Variants in CCDC178 observed in about 807,000 individuals in gnomAD.
The protein encoded by CCDC178 is coiled-coil domain-containing protein 178.
A neutral mutation model predicts 117.4 loss-of-function variants in CCDC178; 126 were observed. The observed-to-expected ratio is 1.07, with a 90% CI of 0.93 to 1.24. The LOEUF (loss-of-function observed/expected upper bound fraction) is 1.24, where lower values mean the gene tolerates loss of function less well. Ranked by LOEUF, CCDC178 falls within the 50% of genes most tolerant of loss-of-function variation. CCDC178 has a pLI of 0.00. For missense variants in CCDC178, 1,030 were observed against 986.9 expected (o/e 1.04, Z -0.59); for synonymous variants, 283 against 313.4 (o/e 0.90, Z 1.02).
chr18:33,386,430 A>G (rs532295964), intron 5 of CCDC178, among the ~76,000 whole-genome samples: 1 of 152,036 alleles, frequency 6.6e-6, no homozygotes, highest in Non-Finnish European at 1.5e-5. Context: ...AACAACAAAA[A>G]CTTCAGGCCA....
chr18:33,370,018 C>T (rs1160770361), intron 6 of CCDC178, 32 bp downstream of exon 6: 2 of 1,509,056 alleles, frequency 1.3e-6, no homozygotes, highest in Non-Finnish European at 1.8e-6. Context: ...TAAAGCTTAC[C>T]AAAATATCAG....
intron 20 of CCDC178, among the ~76,000 whole-genome samples, chr18:33,094,540 G>A (rs1445899876): frequency 6.6e-6 from 1 of 151,590 alleles, no homozygotes; most frequent in African/African-American, 2.4e-5. Flanking sequence ...CTACTTCTCA[G>A]GTGCTTTTCT....
chr18:32,974,657 G>GC lies in CCDC178; in HGVS notation c.2412dup (p.His805AlafsTer74), dbSNP rs745649516. The GC allele has an allele frequency of 1.2e-6, 2 of 1,613,264 alleles. No individual in the cohort carries two copies. The highest frequency in any genetic ancestry group is 1.7e-6 in the Non-Finnish European group (2 of 1,179,782). ...TTGAAGTGCTCCTGCCACAGTGTGT[G>GC]CATCCTTCTCTGCAGCTGACAGAGC... is the stretch of plus-strand genomic sequence containing the variant. On this transcript the variant is annotated frameshift_variant, in exon 22 of 23. Transcript: ENST00000383096. LOFTEE classifies it high-confidence loss of function.
intron 21 of CCDC178, among the ~76,000 whole-genome samples, chr18:33,004,447 A>G (rs187876670): frequency 1.1e-4 from 16 of 152,234 alleles, no homozygotes; most frequent in African/African-American, 2.9e-4. Flanking sequence ...GAAGAATGAA[A>G]CAAGACCCTT....
At chr18:32,950,640 G>C (rs188102108) in intron 22 of CCDC178, among the ~76,000 whole-genome samples, 11 of 152,238 alleles carry the variant, frequency 7.2e-5, no homozygotes, top group African/African-American at 2.6e-4. Context: ...CTGGTGATAT[G>C]GCTGTGTGGG....
At chr18:33,333,069 GA>G (rs5823891) in intron 10 of CCDC178, 104 bp downstream of exon 10, 18,423 of 512,626 alleles carry the variant, frequency 0.036, 45 homozygotes, top group Non-Finnish European at 0.039. Context: ...TCAATTTTAA[GA>G]AAAAAAAAAA....
intron 5 of CCDC178, among the ~76,000 whole-genome samples, chr18:33,373,220 AC>A (rs1480851662): frequency 6.6e-6 from 1 of 152,166 alleles, no homozygotes; most frequent in Non-Finnish European, 1.5e-5. Flanking sequence ...GACACTTATC[AC>A]TAAATATCTA....
intron 22 of CCDC178, among the ~76,000 whole-genome samples, chr18:32,952,820 CTGGAGTG>C (rs2054517641): frequency 2.7e-5 from 4 of 146,268 alleles, no homozygotes; most frequent in African/African-American, 1.0e-4. Context: ...GTTGCCCAGG[CTGGAGTG>C]CAGTGGCATG....
intron 2 of CCDC178, among the ~76,000 whole-genome samples, chr18:33,428,395 A>G (rs1004919360): frequency 6.6e-6 from 1 of 152,246 alleles, no homozygotes; most frequent in African/African-American, 2.4e-5. Flanking sequence ...AAGATCCTAA[A>G]GCACTGAGAG....
intron 21 of CCDC178, among the ~76,000 whole-genome samples, chr18:33,073,407 A>AT (rs1398493910): frequency 6.6e-6 from 1 of 152,106 alleles, no homozygotes; most frequent in Non-Finnish European, 1.5e-5. Flanking sequence ...ATAATACTCC[A>AT]TTATATACAA....
At chr18:33,087,498 G>A (rs888647439) in intron 21 of CCDC178, among the ~76,000 whole-genome samples, 6 of 151,520 alleles carry the variant, frequency 4.0e-5, no homozygotes, top group Non-Finnish European at 8.8e-5. Context: ...GTGTGATAAT[G>A]CCTTTAGAAC....
intron 22 of CCDC178, among the ~76,000 whole-genome samples, chr18:32,955,693 A>G (rs2054579843): frequency 6.6e-6 from 1 of 152,130 alleles, no homozygotes; most frequent in Non-Finnish European, 1.5e-5. Flanking sequence ...ATTTTTAGAA[A>G]TAACTTGTCT....
At chr18:33,226,742 T>C (rs1291124670) in intron 16 of CCDC178, 51 bp downstream of exon 16, 1 of 1,308,734 alleles carries the variant, frequency 7.6e-7, no homozygotes, top group East Asian at 2.4e-5. Flanking sequence ...AAATGCTAAG[T>C]AAAATGCAAA....
intron 14 of CCDC178, among the ~76,000 whole-genome samples, chr18:33,250,304 G>C (rs534457916): frequency 6.6e-6 from 1 of 151,544 alleles, no homozygotes; most frequent in South Asian, 2.1e-4. Context: ...ATGCTCAGGA[G>C]GACAGTAGAA....
At chr18:33,282,706 G>A (rs535638133) in intron 12 of CCDC178, among the ~76,000 whole-genome samples, 19 of 152,250 alleles carry the variant, frequency 1.2e-4, no homozygotes, top group Admixed American at 8.5e-4. Flanking sequence ...ATGTTTGCAC[G>A]GGAGAGTTTT....
Position 33,412,084 on chromosome 18 carries a change from G to T in CCDC178, c.5C>A (p.Thr2Asn), listed in dbSNP as rs767773167. Residue 2 changes from threonine (T) to asparagine (N), a missense_variant, in exon 3 of 23, where the codon ACT becomes AAT. Transcript: ENST00000383096. M[T>N]ENKTVSSSST... The stretch of plus-strand genomic sequence containing the variant: ...AGAAGAGGAAACTGTCTTGTTTTCA[G>T]TCATAGTTATAAGAATATTTTAAAA... 2 of 1,455,502 alleles carry T rather than the reference G, an allele frequency of 1.4e-6. No individual in the cohort carries two copies. Among genetic ancestry groups the T allele is most frequent in the East Asian group, 2.3e-5 (1 of 42,958 alleles). 90.2% of individuals were successfully genotyped at this position (1,455,502 alleles called of 1,614,324 possible). A position where few individuals can be genotyped will look rare whatever the true frequency, so the allele number is the denominator to read the frequency against.
chr18:33,277,144 G>C (rs1400581358), intron 12 of CCDC178, among the ~76,000 whole-genome samples: 2 of 151,992 alleles, frequency 1.3e-5, no homozygotes, highest in African/African-American at 4.8e-5. Flanking sequence ...AAAGGCATAA[G>C]AATTAATAAA....
At chr18:33,134,184 T>C (rs271582) in intron 20 of CCDC178, among the ~76,000 whole-genome samples, 24,430 of 151,972 alleles carry the variant, frequency 0.16, 2,741 homozygotes, top group African/African-American at 0.32. Context: ...ATTTTAGAAC[T>C]TATAAATCTA....
At chr18:33,089,177 G>C (rs2057425674) in intron 21 of CCDC178, among the ~76,000 whole-genome samples, 1 of 151,992 alleles carries the variant, frequency 6.6e-6, no homozygotes, top group South Asian at 2.1e-4. Context: ...TTGAGCACTA[G>C]AGATATCATA....
Sources: allele counts gnomAD v4.1 joint callset (sites outside exome capture counted in the v4.1 genomes callset), GRCh38; gene constraint gnomAD v4.1.1; transcripts MANE v1.5; gene names NCBI Gene and HGNC (gene_info 2026-07-23, HGNC 2026-07-21).